The following CAST variants were observed in gnomAD, a reference collection of about 807,000 sequenced individuals.
CAST encodes MIR583 host.
In CAST, 76 loss-of-function variants were observed where a neutral mutation model predicts 119.6. The observed-to-expected ratio is 0.64, with a 90% CI of 0.53 to 0.77. The LOEUF (loss-of-function observed/expected upper bound fraction) is 0.77. Ranked by LOEUF, CAST falls within the 30% of genes least tolerant of loss-of-function variation. CAST has a pLI of 0.00. For missense variants in CAST, 953 were observed against 946.5 expected (o/e 1.01, Z -0.09); for synonymous variants, 319 against 331.6 (o/e 0.96, Z 0.41).
chr5:96,633,969 C>T (rs922235577), intron 1 of CAST, among the ~76,000 whole-genome samples: 2 of 152,188 alleles, frequency 1.3e-5, no homozygotes, highest in South Asian at 2.1e-4. Flanking sequence ...ACTCATGACT[C>T]ATCCTGACTT....
At chr5:96,485,750 AGCTC>A in the CAST span, among the ~76,000 whole-genome samples, 1 of 152,208 alleles carries the variant, frequency 6.6e-6, no homozygotes, top group South Asian at 2.1e-4. Context: ...GAAGGGAGAG[AGCTC>A]AGAGAATATA....
At chr5:96,389,340 A>G in the CAST span, among the ~76,000 whole-genome samples, 1 of 152,186 alleles carries the variant, frequency 6.6e-6, no homozygotes, top group African/African-American at 2.4e-5. Flanking sequence ...CTATGTATTT[A>G]TATATCACAA....
chr5:96,324,781 G>A, the CAST span, among the ~76,000 whole-genome samples: 3 of 151,864 alleles, frequency 2.0e-5, no homozygotes, highest in Admixed American at 6.6e-5. Context: ...TCATGACAAG[G>A]TACACTACTA....
upstream of CAST, among the ~76,000 whole-genome samples, chr5:96,659,426 C>T (rs1029729618): frequency 9.2e-5 from 14 of 152,236 alleles, no homozygotes; most frequent in African/African-American, 3.4e-4. Flanking sequence ...AAGAGGTCTA[C>T]AGTACCTCCC....
At chr5:96,029,811 CAT>C in the CAST span, among the ~76,000 whole-genome samples, 1 of 152,178 alleles carries the variant, frequency 6.6e-6, no homozygotes, top group Admixed American at 6.6e-5. Context: ...GCAAAAATCA[CAT>C]GTTTGAGTAT....
chr5:96,441,226 A>C, the CAST span, among the ~76,000 whole-genome samples: 1 of 152,160 alleles, frequency 6.6e-6, no homozygotes, highest in Non-Finnish European at 1.5e-5. Context: ...CATCTTGGAC[A>C]GAGAGATGAT....
At position 96,770,510 on chromosome 5, in the gene CAST, AT is replaced by A; in HGVS notation, c.2269-19del. 1 of 1,572,446 alleles carries A rather than the reference AT, an allele frequency of 6.4e-7. No individual in the cohort carries two copies. ...ATGGATTGGTGATAGCCATAGCCTC[AT>A]TACATTTCCTTTGCTTTAGGATAAG... On this transcript the variant is annotated intron_variant, in intron 29 of 31. Coordinates refer to ENST00000675179, the MANE Select transcript of CAST (RefSeq NM_001750.7).
intron 3 of CAST, among the ~76,000 whole-genome samples, chr5:96,711,457 C>T (rs1401243751): frequency 6.6e-6 from 1 of 152,078 alleles, no homozygotes; most frequent in Non-Finnish European, 1.5e-5. Flanking sequence ...TAAATAGAAA[C>T]AAATAAATTT....
At chr5:95,993,690 A>G in the CAST span, among the ~76,000 whole-genome samples, 1 of 152,216 alleles carries the variant, frequency 6.6e-6, no homozygotes, top group East Asian at 1.9e-4. Context: ...AAGAAAATGA[A>G]AAGGCAAGCC....
the CAST span, among the ~76,000 whole-genome samples, chr5:96,174,562 T>A: frequency 1.3e-5 from 2 of 152,212 alleles, no homozygotes; most frequent in African/African-American, 4.8e-5. Flanking sequence ...AGATTACAAT[T>A]TTAGTTTTAT....
the CAST span, among the ~76,000 whole-genome samples, chr5:96,190,725 T>A: frequency 6.6e-6 from 1 of 152,340 alleles, no homozygotes; most frequent in African/African-American, 2.4e-5. Flanking sequence ...TCATCCTTAA[T>A]TTTTAATTTC....
the CAST span, among the ~76,000 whole-genome samples, chr5:96,018,287 C>T: frequency 6.6e-6 from 1 of 152,152 alleles, no homozygotes; most frequent in Non-Finnish European, 1.5e-5. Flanking sequence ...CCAATACAAA[C>T]TATCAGAAGA....
chr5:96,191,768 C>G, the CAST span, among the ~76,000 whole-genome samples: 3 of 152,204 alleles, frequency 2.0e-5, no homozygotes, highest in African/African-American at 7.2e-5. Flanking sequence ...TGGGGTTTCA[C>G]CATGTTGGCC....
At chr5:96,181,382 T>G in the CAST span, among the ~76,000 whole-genome samples, 1 of 152,208 alleles carries the variant, frequency 6.6e-6, no homozygotes, top group African/African-American at 2.4e-5. Context: ...CTTTGACCTT[T>G]GCCTCATGTT....
the CAST span, among the ~76,000 whole-genome samples, chr5:96,279,631 C>A: frequency 2.6e-5 from 4 of 152,134 alleles, no homozygotes; most frequent in African/African-American, 9.7e-5. Context: ...TTCTAGAAGG[C>A]TTTACAGTGT....
the CAST span, among the ~76,000 whole-genome samples, chr5:96,478,804 A>G: frequency 2.0e-5 from 3 of 152,216 alleles, no homozygotes; most frequent in African/African-American, 7.2e-5. Flanking sequence ...GAAACCATAA[A>G]ATGGGCACTG....
At chr5:96,059,374 C>T in the CAST span, among the ~76,000 whole-genome samples, 1 of 152,238 alleles carries the variant, frequency 6.6e-6, no homozygotes, top group South Asian at 2.1e-4. Context: ...ACTTAGAAGT[C>T]ATTAATTCAA....
At chr5:96,455,950 C>T in the CAST span, among the ~76,000 whole-genome samples, 47 of 152,340 alleles carry the variant, frequency 3.1e-4, no homozygotes, top group African/African-American at 9.9e-4. Flanking sequence ...GCCCAGGAGG[C>T]CTTCAACATG....
the CAST span, among the ~76,000 whole-genome samples, chr5:96,098,230 T>A: frequency 4.6e-5 from 7 of 152,252 alleles, no homozygotes; most frequent in East Asian, 1.3e-3. Flanking sequence ...ATTAGACCTT[T>A]GTCAGATGCA....
Sources: gnomAD v4.1 joint callset for allele counts (sites outside exome capture counted in the v4.1 genomes callset) on GRCh38, gnomAD v4.1.1 for gene constraint, MANE v1.5 for transcripts, NCBI Gene and HGNC (gene_info 2026-07-23, HGNC 2026-07-21) for gene names.